Variants in LCOR observed in about 807,000 individuals in gnomAD.
LCOR encodes ligand-dependent corepressor.
In LCOR, 14 loss-of-function variants were observed where a neutral mutation model predicts 64.4. That is an observed-to-expected ratio of 0.22 (90% CI 0.14 to 0.34). The LOEUF (loss-of-function observed/expected upper bound fraction) is 0.34, where lower values mean the gene tolerates loss of function less well. Among genes scored for constraint, LCOR ranks in the 10% least tolerant of loss-of-function variants. The probability of loss-of-function intolerance (pLI) is 1.00; values close to 1 mark genes in which losing one functional copy is unlikely to be tolerated. For missense variants in LCOR, 1,686 were observed against 1,765.3 expected (o/e 0.96, Z 0.80); for synonymous variants, 643 against 642.5 (o/e 1.00, Z -0.01).
In LCOR at chr10:96,912,304, A is replaced by G. The variant is rs147182197; in HGVS notation, c.-184+4557A>G. On this transcript the variant is annotated intron_variant, in intron 4 of 7. Coordinates refer to ENST00000421806, the MANE Select transcript of LCOR (RefSeq NM_001346516.2). Reference sequence around the variant, plus strand: ...TATAAAGCAATTGCAAAAATTGTAAAAGGAATTCCCGTATATTCTTTAACC... The same window carrying G: ...TATAAAGCAATTGCAAAAATTGTAAGAGGAATTCCCGTATATTCTTTAACC... 4.4e-4 allele frequency among the ~76,000 whole-genome samples: 67 copies of G among 152,334 alleles called. No homozygotes were observed. In the East Asian group the frequency reaches 0.012, roughly 28 times the overall value.
intron 7 of LCOR, chr10:96,957,473 C>CA: frequency 1.0e-6 from 1 of 985,192 alleles, no homozygotes. Context: ...ACTATTTGTG[C>CA]AAAACAAATT....
chr10:96,931,581 A>G (rs1847261861), intron 4 of LCOR, among the ~76,000 whole-genome samples: 1 of 151,918 alleles, frequency 6.6e-6, no homozygotes, highest in Middle Eastern at 3.2e-3. Flanking sequence ...TCTCCCTACC[A>G]CCTTCCACAA....
At chr10:96,851,883 A>G (rs992086947) in intron 2 of LCOR, among the ~76,000 whole-genome samples, 4 of 152,148 alleles carry the variant, frequency 2.6e-5, no homozygotes, top group African/African-American at 7.2e-5. Flanking sequence ...CAAACACATT[A>G]TTTTCTCACG....
Position 96,981,464 on chromosome 10 carries a change from C to T in LCOR, c.1004C>T (p.Thr335Ile). 6.2e-7 allele frequency: 1 copy of T among 1,614,024 alleles called. No individual in the cohort carries two copies. The highest frequency in any genetic ancestry group is 1.3e-5 in the African/African-American group (1 of 75,014). The change falls in exon 8 of 8, where the codon ACC (threonine) becomes ATC (isoleucine). Residue 335 changes from threonine to isoleucine, a missense_variant. Physicochemically the swap from Thr to Ile is moderately conservative, Grantham distance 89. This residue lies in a region of LCOR where 313 missense variants were observed against 247.2 expected (regional missense o/e 1.27). Coordinates refer to ENST00000421806, the MANE Select transcript of LCOR (RefSeq NM_001346516.2). ...GCTGAGAATAGTGAGGAAGGCAATA[C>T]CTGTATTATTCCTCAAAGAAATTTG... ...MAAENSEEGNTCIIPQRNLFK... is the reference protein window; with the variant it reads ...MAAENSEEGNICIIPQRNLFK...
intron 2 of LCOR, among the ~76,000 whole-genome samples, chr10:96,847,194 T>C (rs1845644074): frequency 6.6e-6 from 1 of 152,034 alleles, no homozygotes; most frequent in African/African-American, 2.4e-5. Flanking sequence ...CAGTGAGCCA[T>C]GATCATGCCG....
chr10:96,968,459 A>G (rs1847969499), intron 7 of LCOR, among the ~76,000 whole-genome samples: 2 of 152,204 alleles, frequency 1.3e-5, no homozygotes, highest in African/African-American at 4.8e-5. Context: ...GCTTTTTAGG[A>G]AGAGAATGAA....
intron 4 of LCOR, among the ~76,000 whole-genome samples, chr10:96,936,806 C>T (rs754238021): frequency 2.0e-5 from 3 of 150,646 alleles, no homozygotes; most frequent in Non-Finnish European, 2.9e-5. Context: ...CCTGAAACTA[C>T]AGATCGTACC....
chr10:96,942,323 A>G (rs1187566784), intron 4 of LCOR, among the ~76,000 whole-genome samples: 37 of 151,646 alleles, frequency 2.4e-4, no homozygotes, highest in Middle Eastern at 3.5e-3. Context: ...CGCGCCTGCA[A>G]TCGCAGGCAC....
intron 2 of LCOR, among the ~76,000 whole-genome samples, chr10:96,897,879 T>C (rs557045812): frequency 6.6e-6 from 1 of 150,694 alleles, no homozygotes; most frequent in Non-Finnish European, 1.5e-5. Flanking sequence ...TTTTTTTTTT[T>C]TTTTTTTGTT....
At chr10:96,906,143 CAATT>C (rs776947520) in intron 2 of LCOR, among the ~76,000 whole-genome samples, 4 of 152,148 alleles carry the variant, frequency 2.6e-5, no homozygotes, top group Non-Finnish European at 5.9e-5. Context: ...TGCTTTTTAA[CAATT>C]AAATCGCAAA....
intron 2 of LCOR, among the ~76,000 whole-genome samples, chr10:96,877,114 A>G (rs1472230402): frequency 6.6e-6 from 1 of 152,230 alleles, no homozygotes; most frequent in Non-Finnish European, 1.5e-5. Context: ...CAAAGGACCC[A>G]GGGGCCATCT....
intron 4 of LCOR, among the ~76,000 whole-genome samples, chr10:96,926,463 C>A (rs972199504): frequency 2.0e-5 from 3 of 152,074 alleles, no homozygotes; most frequent in Non-Finnish European, 2.9e-5. Flanking sequence ...AAGCAAAAAT[C>A]ATTTCTTTGA....
Position 96,990,894 on chromosome 10 carries a change from G to A in LCOR, c.*5760G>A, listed in dbSNP as rs1019218286. The A allele has an allele frequency of 1.3e-5, 2 of 151,978 alleles. No homozygotes were observed. The highest frequency in any genetic ancestry group is 4.8e-5 in the African/African-American group (2 of 41,350). 9.4% of individuals were successfully genotyped at this position (151,978 alleles called of 1,614,324 possible). A position where few individuals can be genotyped will look rare whatever the true frequency, so the allele number is the denominator to read the frequency against. On this transcript the variant is annotated 3_prime_UTR_variant, in exon 8 of 8. Transcript: ENST00000421806. ...TCCCCTAGCTGGGACCATCCCACAC[G>A]GGGTGCTCAATATGCATGCCTCATG...
rs374594278 is a variant in LCOR at position 96,982,952 on chromosome 10, T to G, written c.2492T>G (p.Leu831Arg). ...GATTCTTCCTCTGCTGACAGATGCC[T>G]AAGAAATCAGAGTTCAGATTCTTCC... ...LSDSSSADRCLRNQSSDSSSA... is the reference protein window; with the variant it reads ...LSDSSSADRCRRNQSSDSSSA... The change falls in exon 8 of 8, where the codon CTA becomes CGA. Residue 831 changes from leucine to arginine, a missense_variant. Transcript: ENST00000421806. The G allele has an allele frequency of 6.2e-7, 1 of 1,613,248 alleles. No individual in the cohort carries two copies. Among genetic ancestry groups the G allele is most frequent in the Non-Finnish European group, 8.5e-7 (1 of 1,179,764 alleles).
chr10:96,913,305 C>G (rs1485807291), intron 4 of LCOR, among the ~76,000 whole-genome samples: 3 of 152,154 alleles, frequency 2.0e-5, no homozygotes, highest in Non-Finnish European at 2.9e-5. Context: ...AAACCATCCA[C>G]TGAGATTTTT....
intron 2 of LCOR, among the ~76,000 whole-genome samples, chr10:96,842,471 A>G (rs1261071612): frequency 6.6e-6 from 1 of 152,112 alleles, no homozygotes; most frequent in African/African-American, 2.4e-5. Flanking sequence ...ATAAAAGAAA[A>G]TTCCACATGT....
intron 7 of LCOR, chr10:96,955,414 G>C: frequency 2.5e-6 from 4 of 1,614,126 alleles, no homozygotes; most frequent in South Asian, 1.1e-5. Context: ...GATCTTTCTT[G>C]GGAGTCTCGC....
Position 96,833,442 on chromosome 10 carries a change from T to C in LCOR, c.-367T>C, listed in dbSNP as rs1010257488. ...CTCTGTGCGGCGGCCGGCGGGACCA[T>C]AAGGGCTTAACTCATATATTTAACC... is the stretch of plus-strand genomic sequence containing the variant. On this transcript the variant is annotated 5_prime_UTR_variant, in exon 2 of 8. Transcript: ENST00000421806. 2 of 985,976 alleles carry C rather than the reference T, an allele frequency of 2.0e-6. No homozygotes were observed. The highest frequency in any genetic ancestry group is 2.4e-6 in the Non-Finnish European group (2 of 830,150). The allele number at this position is 985,976 out of a possible 1,614,324, so 61.1% of individuals were successfully genotyped here.
chr10:96,968,398 TAACTA>T (rs1460560809), intron 7 of LCOR, among the ~76,000 whole-genome samples: 1 of 152,246 alleles, frequency 6.6e-6, no homozygotes, highest in South Asian at 2.1e-4. Flanking sequence ...GATTCAGTTT[TAACTA>T]AATTTTAACT....
Sources: allele counts gnomAD v4.1 joint callset (sites outside exome capture counted in the v4.1 genomes callset), GRCh38; gene constraint gnomAD v4.1.1; regional missense constraint gnomAD v4.1.1; transcripts MANE v1.5; gene names NCBI Gene and HGNC (gene_info 2026-07-23, HGNC 2026-07-21).